ACSS3: variants seen among roughly 807,000 people sequenced by gnomAD.
ACSS3 encodes the protein acyl-CoA synthetase short-chain family member 3, mitochondrial.
A neutral mutation model predicts 84.2 loss-of-function variants in ACSS3; 64 were observed. The ratio of observed to expected loss-of-function variants is 0.76; its 90% CI spans 0.62 to 0.94. The LOEUF (loss-of-function observed/expected upper bound fraction) is 0.94, where lower values mean the gene tolerates loss of function less well. Ranked by LOEUF, ACSS3 falls within the 40% of genes least tolerant of loss-of-function variation. The pLI is 0.00. For synonymous variants in ACSS3, 317 were observed against 310.1 expected, an observed-to-expected ratio of 1.02 and a Z score of -0.23; for missense variants, 815 against 867.6, an observed-to-expected ratio of 0.94 and a Z score of 0.76.
intron 7 of ACSS3, among the ~76,000 whole-genome samples, chr12:81,160,801 A>C (rs1051171905): frequency 7.2e-5 from 11 of 152,114 alleles, no homozygotes; most frequent in Non-Finnish European, 1.6e-4. Context: ...TTAGTGTTTG[A>C]GAGGAAGCAT....
chr12:81,184,453 A>G (rs1176664858), intron 8 of ACSS3, among the ~76,000 whole-genome samples: 1 of 151,886 alleles, frequency 6.6e-6, no homozygotes, highest in Non-Finnish European at 1.5e-5. Flanking sequence ...GCAGTAAATC[A>G]AATGAAGTAC....
At chr12:81,111,676 G>T (rs1361858019) in intron 2 of ACSS3, among the ~76,000 whole-genome samples, 2 of 152,152 alleles carry the variant, frequency 1.3e-5, no homozygotes, top group African/African-American at 4.8e-5. Context: ...GGGTGTGCCT[G>T]TCATACAGGG....
intron 1 of ACSS3, among the ~76,000 whole-genome samples, chr12:81,107,511 C>CACACACATATAT (rs1403415163): frequency 1.0e-4 from 4 of 38,834 alleles, no homozygotes; most frequent in South Asian, 1.3e-3. Context: ...CAAATATATA[C>CACACACATATAT]ATATATATAT....
At chr12:81,228,453 T>C (rs1336460682) in intron 11 of ACSS3, among the ~76,000 whole-genome samples, 1 of 151,884 alleles carries the variant, frequency 6.6e-6, no homozygotes, top group Admixed American at 6.6e-5. Context: ...GAAGCCTGTG[T>C]CCTTAAGGCT....
chr12:81,145,050 G>C (rs1297581474), intron 5 of ACSS3, among the ~76,000 whole-genome samples: 222 of 145,454 alleles, frequency 1.5e-3, no homozygotes, highest in African/African-American at 5.3e-3. Flanking sequence ...ACAGGCGCCC[G>C]CCACCACGCC....
At chr12:81,174,092 G>A (rs558175438) in intron 7 of ACSS3, among the ~76,000 whole-genome samples, 2 of 152,256 alleles carry the variant, frequency 1.3e-5, no homozygotes, top group Non-Finnish European at 2.9e-5. Context: ...AGAATGTTTG[G>A]AGAGTTACTG....
intron 1 of ACSS3, among the ~76,000 whole-genome samples, chr12:81,085,574 A>G (rs752824898): frequency 6.6e-6 from 1 of 152,232 alleles, no homozygotes; most frequent in Non-Finnish European, 1.5e-5. Flanking sequence ...TAATAGCTCC[A>G]GTGGCTAAGC....
At chr12:81,088,883 C>G (rs1012178635) in intron 1 of ACSS3, among the ~76,000 whole-genome samples, 2 of 151,926 alleles carry the variant, frequency 1.3e-5, no homozygotes, top group African/African-American at 4.8e-5. Context: ...CAAAAACATT[C>G]TAGATATGGA....
chr12:81,153,538 C>T (rs773347615), intron 7 of ACSS3, among the ~76,000 whole-genome samples: 3 of 151,910 alleles, frequency 2.0e-5, no homozygotes, highest in East Asian at 3.9e-4. Flanking sequence ...GTCTTGAATG[C>T]GGAGTTACAG....
At position 81,230,957 on chromosome 12, in the gene ACSS3, G is replaced by T; in HGVS notation, c.1515-100G>T. The T allele has an allele frequency of 3.3e-6, 3 of 916,392 alleles. No homozygotes were observed. In the South Asian group the frequency reaches 4.4e-5, roughly 13 times the overall value. 56.8% of individuals were successfully genotyped at this position (916,392 alleles called of 1,614,324 possible). A position where few individuals can be genotyped will look rare whatever the true frequency, so the allele number is the denominator to read the frequency against. Reference sequence around the variant, plus strand: ...GGGGTTATATTTCAATGTAGGATTTGAATTGTAATTATCTGTCACAGTAGA... The same window carrying T: ...GGGGTTATATTTCAATGTAGGATTTTAATTGTAATTATCTGTCACAGTAGA... On this transcript the variant is annotated intron_variant, in intron 11 of 15. Coordinates refer to ENST00000548058, the MANE Select transcript of ACSS3 (RefSeq NM_024560.4).
intron 8 of ACSS3, among the ~76,000 whole-genome samples, chr12:81,196,085 G>A (rs2031814217): frequency 1.3e-5 from 2 of 152,134 alleles, no homozygotes; most frequent in African/African-American, 2.4e-5. Flanking sequence ...CGTGACACTT[G>A]CATACCCACA....
At chr12:81,227,398 T>TACACAC (rs34993441) in intron 11 of ACSS3, among the ~76,000 whole-genome samples, 11,189 of 148,624 alleles carry the variant, frequency 0.075, 467 homozygotes, top group African/African-American at 0.13. Flanking sequence ...GAGGACTATT[T>TACACAC]ACACACACAC....
intron 13 of ACSS3, among the ~76,000 whole-genome samples, chr12:81,243,619 G>C (rs946071224): frequency 6.6e-6 from 1 of 152,062 alleles, no homozygotes; most frequent in Admixed American, 6.6e-5. Flanking sequence ...ATACTACAAG[G>C]CTACAGTAAC....
chr12:81,199,261 A>T, intron 8 of ACSS3, 80 bp from the exon 9 acceptor site: 1 of 1,249,174 alleles, frequency 8.0e-7, no homozygotes, highest in Non-Finnish European at 1.1e-6. Flanking sequence ...GAGTGTGGTT[A>T]ACCAATGTTT....
chr12:81,111,297 A>C (rs1883559781), intron 2 of ACSS3, among the ~76,000 whole-genome samples: 1 of 152,144 alleles, frequency 6.6e-6, no homozygotes, highest in Non-Finnish European at 1.5e-5. Context: ...GAGTAGTAAC[A>C]TCTGTCATGC....
chr12:81,166,684 T>C (rs1453039398), intron 7 of ACSS3, among the ~76,000 whole-genome samples: 1 of 152,188 alleles, frequency 6.6e-6, no homozygotes, highest in Non-Finnish European at 1.5e-5. Flanking sequence ...CATTAGCCCC[T>C]TTTATGAGGG....
intron 8 of ACSS3, among the ~76,000 whole-genome samples, chr12:81,177,856 A>G (rs1027237779): frequency 3.3e-5 from 5 of 152,196 alleles, no homozygotes; most frequent in Admixed American, 6.5e-5. Context: ...ACACTTTTAC[A>G]CTGTTGGTGG....
At chr12:81,183,294 ACAAAACAAAAAT>A (rs1226458408) in intron 8 of ACSS3, among the ~76,000 whole-genome samples, 2 of 152,132 alleles carry the variant, frequency 1.3e-5, no homozygotes, top group African/African-American at 2.4e-5. Flanking sequence ...CATGGCAACC[ACAAAACAAAAAT>A]CTACAACAGA....
intron 13 of ACSS3, among the ~76,000 whole-genome samples, chr12:81,236,162 T>A (rs566775156): frequency 3.3e-4 from 50 of 151,642 alleles, no homozygotes; most frequent in African/African-American, 1.2e-3. Context: ...GTGTTATTTT[T>A]AATTATGAAT....
Sources: allele counts gnomAD v4.1 joint callset (sites outside exome capture counted in the v4.1 genomes callset), GRCh38; gene constraint gnomAD v4.1.1; transcripts MANE v1.5; gene names NCBI Gene and HGNC (gene_info 2026-07-23, HGNC 2026-07-21).